DHPS: variants seen among roughly 807,000 people sequenced by gnomAD.
DHPS encodes deoxyhypusine synthase.
Under a neutral mutation model 38.7 loss-of-function variants are expected in DHPS, and 24 were observed. That is an observed-to-expected ratio of 0.62 (90% CI 0.45 to 0.87). DHPS has a LOEUF of 0.87. DHPS is among the 40% of genes least tolerant of loss of function. DHPS has a pLI of 0.00. For synonymous variants in DHPS, 250 were observed against 204.4 expected (o/e 1.22, Z -1.90); for missense variants, 510 against 497.6 (o/e 1.02, Z -0.24).
intron 2 of DHPS, 51 bp downstream of exon 2, chr19:12,680,110 G>C: frequency 1.2e-6 from 2 of 1,603,370 alleles, no homozygotes; most frequent in Non-Finnish European, 1.7e-6. Context: ...ATCAATAACT[G>C]CATTGCCCAT....
chr19:12,672,708 C>G, downstream of DHPS: 1 of 856,210 alleles, frequency 1.2e-6, no homozygotes, highest in African/African-American at 1.7e-5. Context: ...TGGCCCTGGG[C>G]CTGAGTCTCA....
chr19:12,681,497 G>A, intron 1 of DHPS, 63 bp downstream of exon 1: 4 of 1,583,426 alleles, frequency 2.5e-6, no homozygotes, highest in Non-Finnish European at 3.5e-6. Context: ...CCCCCGTCTA[G>A]TACCGCGTTG....
At chr19:12,673,412 T>TA, downstream of DHPS, 3 of 168,358 alleles carry the variant, frequency 1.8e-5, no homozygotes, top group Non-Finnish European at 9.4e-6. Context: ...GCTAGGATCT[T>TA]TTTTTTTTTT....
intron 1 of DHPS, chr19:12,681,200 C>G (rs977375057): frequency 2.6e-5 from 32 of 1,229,150 alleles, no homozygotes; most frequent in Non-Finnish European, 3.1e-5. Context: ...CTGGGAAAAG[C>G]AAATCTAAAT....
intron 5 of DHPS, 68 bp from the exon 6 acceptor site, chr19:12,677,464 T>C (rs911917434): frequency 2.9e-6 from 4 of 1,362,832 alleles, no homozygotes; most frequent in Non-Finnish European, 4.1e-6. Flanking sequence ...TATATGACTA[T>C]CTGACTGTGG....
Position 12,677,191 on chromosome 19 carries a change from G to C in DHPS, c.805C>G (p.Gln269Glu), listed in dbSNP as rs757878296. ...CCAGTGCACTTGGCAAAGATGGCCTGTGTGTTGATGAGCCTCAGGTCTGGG... is the reference window on the plus strand; with the variant it reads ...CCAGTGCACTTGGCAAAGATGGCCTCTGTGTTGATGAGCCTCAGGTCTGGG... ...IVEDLRLINT[Q>E]AIFAKCTGMI... The change falls in exon 7 of 9, where the codon CAG (glutamine) becomes GAG (glutamate). Residue 269 changes from glutamine (Q) to glutamate (E), a missense_variant. Coordinates refer to ENST00000210060, the MANE Select transcript of DHPS (RefSeq NM_001930.4). 1 of 1,614,236 alleles carries C rather than the reference G, an allele frequency of 6.2e-7. No homozygotes were observed.
intron 5 of DHPS, among the ~76,000 whole-genome samples, chr19:12,677,630 TTCTC>T (rs560025340): frequency 8.2e-4 from 124 of 152,126 alleles, no homozygotes; most frequent in Admixed American, 1.8e-3. Flanking sequence ...GCTGAGCTGT[TTCTC>T]TCTCTTTTTT....
At chr19:12,672,614 AAAGG>A, downstream of DHPS, 1 of 557,578 alleles carries the variant, frequency 1.8e-6, no homozygotes, top group Non-Finnish European at 3.2e-6. Flanking sequence ...GTCTCAAACA[AAAGG>A]AAGAAAAGGG....
intron 1 of DHPS, 197 bp downstream of exon 1, chr19:12,681,363 A>C (rs1440602136): frequency 2.0e-6 from 2 of 980,728 alleles, no homozygotes; most frequent in South Asian, 1.7e-5. Flanking sequence ...CCGTACCAGC[A>C]TGTAACTACC....
chr19:12,675,458 A>G (rs2024546390), downstream of DHPS: 3 of 1,564,904 alleles, frequency 1.9e-6, no homozygotes, highest in Non-Finnish European at 2.6e-6. Flanking sequence ...GGGGGTGCCC[A>G]GGGACCTCAG....
chr19:12,677,445 C>A (rs777019316), intron 5 of DHPS, 49 bp from the exon 6 acceptor site: 3 of 1,507,632 alleles, frequency 2.0e-6, no homozygotes, highest in Non-Finnish European at 2.7e-6. Context: ...GCCTCGTCTC[C>A]ATGCTGGCTA....
chr19:12,679,465 C>G lies in DHPS; in HGVS notation c.670G>C (p.Ala224Pro). 6.2e-7 allele frequency: 1 copy of G among 1,614,176 alleles called. No individual in the cohort carries two copies. The highest frequency in any genetic ancestry group is 8.5e-7 in the Non-Finnish European group (1 of 1,180,034). Residue 224 changes from alanine (A) to proline (P), a missense_variant, in exon 5 of 9, where the codon GCC becomes CCC. By Grantham distance (27) the Ala-to-Pro change is conservative. Transcript: ENST00000210060. Reference protein sequence around the residue: ...INNPESVYYWAQKNHIPVFSP... With the variant: ...INNPESVYYWPQKNHIPVFSP... ...CCCGCTTAGGTCCTCACCTTCTGGG[C>G]CCAGTAATACACGGACTCTGGGTTG...
At chr19:12,674,343 C>T (rs1410390432), downstream of DHPS, among the ~76,000 whole-genome samples, 2 of 152,186 alleles carry the variant, frequency 1.3e-5, no homozygotes, top group African/African-American at 4.8e-5. Context: ...CAGAAACAGA[C>T]CATCCTGGTG....
chr19:12,674,456 C>T (rs1487302050), downstream of DHPS, among the ~76,000 whole-genome samples: 1 of 152,068 alleles, frequency 6.6e-6, no homozygotes, highest in Non-Finnish European at 1.5e-5. Flanking sequence ...CCGGGGGGGC[C>T]CTGAAGACTT....
rs774697572 is a variant in DHPS at position 12,679,736 on chromosome 19, T to C, written c.495-17A>G. 8 of 1,614,070 alleles carry C rather than the reference T, an allele frequency of 5.0e-6. No homozygotes were observed. Among genetic ancestry groups the C allele is most frequent in the Non-Finnish European group, 6.8e-6 (8 of 1,180,040 alleles). On this transcript the variant is annotated splice_polypyrimidine_tract_variant and intron_variant, in intron 3 of 8. Coordinates refer to ENST00000210060, the MANE Select transcript of DHPS (RefSeq NM_001930.4). ...TTTCCGATCCTGAGAACAGGAGGCA[T>C]GTAGGCATCAGGCCCCAGGACCCTT...
At chr19:12,675,528 G>A (rs767701635), downstream of DHPS, 35 of 1,604,276 alleles carry the variant, frequency 2.2e-5, no homozygotes, top group South Asian at 1.4e-4. Context: ...CACAGGGTGC[G>A]CTGGCTCTGG....
At position 12,675,946 on chromosome 19, in the gene DHPS, GA is replaced by G; in HGVS notation, c.1015-14del. ...CGTCAGCATAGACCTGGGTAGGGGGGAACCTGGGTAAGCCATGGGACCCACA... is the reference window on the plus strand; with the variant it reads ...CGTCAGCATAGACCTGGGTAGGGGGGACCTGGGTAAGCCATGGGACCCACA... On this transcript the variant is annotated splice_polypyrimidine_tract_variant and intron_variant, in intron 8 of 8. Transcript: ENST00000210060. The G allele has an allele frequency of 1.2e-6, 2 of 1,602,658 alleles. No homozygotes were observed. Among genetic ancestry groups the G allele is most frequent in the Non-Finnish European group, 1.7e-6 (2 of 1,173,262 alleles).
intron 1 of DHPS, chr19:12,681,184 T>G (rs1305572625): frequency 5.6e-6 from 7 of 1,240,250 alleles, no homozygotes; most frequent in Non-Finnish European, 7.2e-6. Flanking sequence ...TCCGGTCCCT[T>G]CCCCGCTGGG....
chr19:12,673,040 G>A, downstream of DHPS: 1 of 1,613,698 alleles, frequency 6.2e-7, no homozygotes, highest in Non-Finnish European at 8.5e-7. Context: ...CAGCCGGGAT[G>A]GGCAGTGCAC....
Sources: allele counts gnomAD v4.1 joint callset (sites outside exome capture counted in the v4.1 genomes callset), GRCh38; gene constraint gnomAD v4.1.1; transcripts MANE v1.5; gene names NCBI Gene and HGNC (gene_info 2026-07-23, HGNC 2026-07-21).